PIP5K1C: variants seen among roughly 807,000 people sequenced by gnomAD.
PIP5K1C encodes the protein phosphatidylinositol-4-phosphate 5-kinase type 1 gamma.
Under a neutral mutation model 80.1 loss-of-function variants are expected in PIP5K1C, and 45 were observed. That is an observed-to-expected ratio of 0.56 (90% CI 0.44 to 0.72). The LOEUF (loss-of-function observed/expected upper bound fraction) is 0.72. Ranked by LOEUF, PIP5K1C falls within the 30% of genes least tolerant of loss-of-function variation. PIP5K1C has a pLI of 0.00. For missense variants in PIP5K1C, 753 were observed against 954.6 expected (o/e 0.79, Z 2.78); for synonymous variants, 498 against 420.1 (o/e 1.19, Z -2.27).
intron 1 of PIP5K1C, among the ~76,000 whole-genome samples, chr19:3,668,195 G>A (rs2145514115): frequency 6.6e-6 from 1 of 152,186 alleles, no homozygotes; most frequent in African/African-American, 2.4e-5. Context: ...AGGAGGCTGG[G>A]ACGAGGGGAG....
chr19:3,667,439 C>T, intron 1 of PIP5K1C, 86 bp from the exon 2 acceptor site: 1 of 1,501,208 alleles, frequency 6.7e-7, no homozygotes, highest in East Asian at 2.3e-5. Flanking sequence ...CCTTCTGGCG[C>T]CCCAGGCCTG....
chr19:3,697,906 G>A (rs1047108362), intron 1 of PIP5K1C, among the ~76,000 whole-genome samples: 6 of 152,220 alleles, frequency 3.9e-5, no homozygotes, highest in African/African-American at 7.2e-5. Context: ...CCATGGAGAC[G>A]CCATTCAGGC....
chr19:3,646,049 A>G lies in PIP5K1C; in HGVS notation c.1270T>C (p.Ser424Pro). Residue 424 changes from serine to proline, a missense_variant, in exon 11 of 18, where the codon TCC becomes CCC. This residue lies in a region of PIP5K1C where 114 missense variants were observed against 152.4 expected (regional missense o/e 0.75). Coordinates refer to ENST00000335312, the MANE Select transcript of PIP5K1C (RefSeq NM_012398.3). Reference protein sequence around the residue: ...KALVHDGDTVSVHRPSFYAER... With the variant: ...KALVHDGDTVPVHRPSFYAER... ...GCATAGAAGCTGGGGCGGTGGACGG[A>G]CACCGTGTCCTGGAAGAGAGTTGGG... 1 of 1,602,458 alleles carries G rather than the reference A, an allele frequency of 6.2e-7. No homozygotes were observed. Among genetic ancestry groups the G allele is most frequent in the Non-Finnish European group, 8.5e-7 (1 of 1,173,200 alleles).
At chr19:3,683,680 C>T (rs921574350) in intron 1 of PIP5K1C, among the ~76,000 whole-genome samples, 2 of 152,272 alleles carry the variant, frequency 1.3e-5, no homozygotes, top group South Asian at 2.1e-4. Context: ...CCCCAGTCTG[C>T]GTCACCACAG....
intron 1 of PIP5K1C, among the ~76,000 whole-genome samples, chr19:3,697,717 G>A (rs1235019614): frequency 6.6e-6 from 1 of 152,176 alleles, no homozygotes; most frequent in Non-Finnish European, 1.5e-5. Flanking sequence ...CAGGGGCAGG[G>A]ATGGAGCTGA....
Position 3,663,019 on chromosome 19 carries a change from C to T in PIP5K1C, c.220-1018G>A, listed in dbSNP as rs569502465. ...GGGATTACAGGCACGCACCAGCACA[C>T]CCGGCTAATTATTTTTTTGTATTTT... On this transcript the variant is annotated intron_variant, in intron 3 of 17. Transcript: ENST00000335312. Among the ~76,000 whole-genome samples, 6 of 152,000 alleles carry T rather than the reference C, an allele frequency of 3.9e-5. 1 individual carries two copies. The South Asian group carries it at 1.0e-3, about 26-fold the overall frequency.
chr19:3,670,852 G>T (rs1465500746), intron 1 of PIP5K1C, among the ~76,000 whole-genome samples: 1 of 152,216 alleles, frequency 6.6e-6, no homozygotes, highest in Non-Finnish European at 1.5e-5. Flanking sequence ...GGGTGACTCA[G>T]GATTCCGGCT....
chr19:3,658,030 C>G (rs564223587), intron 5 of PIP5K1C, among the ~76,000 whole-genome samples: 2 of 152,334 alleles, frequency 1.3e-5, no homozygotes, highest in South Asian at 2.1e-4. Context: ...CACACACACT[C>G]TGATCTGTGA....
At chr19:3,640,929 C>T (rs1177309399) in intron 15 of PIP5K1C, among the ~76,000 whole-genome samples, 2 of 152,102 alleles carry the variant, frequency 1.3e-5, no homozygotes, top group African/African-American at 4.8e-5. Context: ...CCTCGTGATC[C>T]GCCTGCCTCA....
intron 1 of PIP5K1C, among the ~76,000 whole-genome samples, chr19:3,669,314 G>A (rs781176130): frequency 1.3e-5 from 2 of 152,226 alleles, no homozygotes; most frequent in East Asian, 1.9e-4. Flanking sequence ...GCAGCAGTGC[G>A]TTGGAACTGG....
chr19:3,643,096 C>T (rs1426595227), intron 13 of PIP5K1C, 147 bp downstream of exon 13: 4 of 1,460,180 alleles, frequency 2.7e-6, no homozygotes, highest in South Asian at 2.3e-5. Flanking sequence ...TCCGCCCCCG[C>T]GCACCCACAT....
At position 3,648,884 on chromosome 19, in the gene PIP5K1C, C is replaced by G. The variant is rs902316221; in HGVS notation, c.1128-176G>C. ...CTCTGTCCTGACATCCCTCCATCAC[C>G]CCCAGCCTCAAACCCAGGCCCAGGC... On this transcript the variant is annotated intron_variant, in intron 8 of 17. Coordinates refer to ENST00000335312, the MANE Select transcript of PIP5K1C (RefSeq NM_012398.3). The surrounding 1 kb of genome is among the most constrained non-coding windows in gnomAD (Gnocchi z 4.3). 2.0e-5 allele frequency among the ~76,000 whole-genome samples: 3 copies of G among 152,098 alleles called. No homozygotes were observed. Among genetic ancestry groups the G allele is most frequent in the African/African-American group, 7.2e-5 (3 of 41,412 alleles).
At chr19:3,638,733 T>C (rs1180510370) in intron 16 of PIP5K1C, 151 bp downstream of exon 16, 7 of 1,000,406 alleles carry the variant, frequency 7.0e-6, no homozygotes, top group Non-Finnish European at 1.1e-5. Flanking sequence ...GTCGTGAGAG[T>C]GCTGGCTGGT....
intron 16 of PIP5K1C, among the ~76,000 whole-genome samples, chr19:3,638,176 C>G (rs2033786847): frequency 1.3e-5 from 2 of 152,204 alleles, no homozygotes; most frequent in Admixed American, 1.3e-4. Flanking sequence ...CCTGGGGCTG[C>G]CTGATCTGAG....
At chr19:3,649,890 G>T (rs902325838) in intron 8 of PIP5K1C, 2 of 286,554 alleles carry the variant, frequency 7.0e-6, no homozygotes, top group African/African-American at 2.3e-5. Flanking sequence ...GCCCAGCGCG[G>T]TTAGTGAGGC....
intron 2 of PIP5K1C, 64 bp downstream of exon 2, chr19:3,667,258 G>T (rs370277243): frequency 5.5e-6 from 8 of 1,445,188 alleles, no homozygotes; most frequent in Admixed American, 1.8e-5. Flanking sequence ...CAGCTTCTCC[G>T]CGAGTAGGGA....
intron 1 of PIP5K1C, among the ~76,000 whole-genome samples, chr19:3,676,072 T>G (rs1010394621): frequency 3.3e-5 from 5 of 152,216 alleles, no homozygotes; most frequent in African/African-American, 4.8e-5. Context: ...CGGCTTCATT[T>G]GACACATGGG....
chr19:3,675,974 G>A (rs888401263), intron 1 of PIP5K1C, among the ~76,000 whole-genome samples: 3 of 152,184 alleles, frequency 2.0e-5, no homozygotes, highest in Admixed American at 1.3e-4. Flanking sequence ...TGTTCAACAC[G>A]GCTGCAACAG....
chr19:3,643,002 T>C, intron 13 of PIP5K1C, 63 bp from the exon 14 acceptor site: 1 of 1,586,652 alleles, frequency 6.3e-7, no homozygotes, highest in Non-Finnish European at 8.7e-7. Context: ...TCAGTCTACC[T>C]GCCTTGCCTA....
Sources: allele counts gnomAD v4.1 joint callset (sites outside exome capture counted in the v4.1 genomes callset), GRCh38; gene constraint gnomAD v4.1.1; regional missense constraint gnomAD v4.1.1; non-coding constraint Gnocchi (gnomAD v3.1); transcripts MANE v1.5; gene names NCBI Gene and HGNC (gene_info 2026-07-23, HGNC 2026-07-21).